NEURL1B: variants seen among roughly 807,000 people sequenced by gnomAD.
NEURL1B encodes the protein neuralized E3 ubiquitin protein ligase 1B, also known as E3 ubiquitin-protein ligase NEURL1B.
In NEURL1B, 13 loss-of-function variants were observed where a neutral mutation model predicts 37.4. That is an observed-to-expected ratio of 0.35 (90% CI 0.23 to 0.55). The LOEUF (loss-of-function observed/expected upper bound fraction) is 0.55. Ranked by LOEUF, NEURL1B falls within the 20% of genes least tolerant of loss-of-function variation. The probability of loss-of-function intolerance (pLI) is 0.89; values close to 1 mark genes in which losing one functional copy is unlikely to be tolerated. For synonymous variants in NEURL1B, 432 were observed against 426.6 expected, an observed-to-expected ratio of 1.01 and a Z score of -0.16; for missense variants, 790 against 879.2, an observed-to-expected ratio of 0.90 and a Z score of 1.28.
At position 172,688,002 on chromosome 5, in the gene NEURL1B, A is replaced by G. The variant is rs1285659330; in HGVS notation, c.*1077A>G. 6.5e-6 allele frequency: 1 copy of G among 152,694 alleles called. No homozygotes were observed. The highest frequency in any genetic ancestry group is 1.9e-4 in the East Asian group (1 of 5,196). 9.5% of individuals were successfully genotyped at this position (152,694 alleles called of 1,614,324 possible). A position where few individuals can be genotyped will look rare whatever the true frequency, so the allele number is the denominator to read the frequency against. ...AGTGTATCTTCCTCCGCTGGTTACT[A>G]AAGTGTTCACTGATAAGTATGTTAA... On this transcript the variant is annotated 3_prime_UTR_variant, in exon 5 of 5. Transcript: ENST00000369800. The surrounding 1 kb of genome is among the most constrained non-coding windows in gnomAD (Gnocchi z 4.3).
At chr5:172,672,625 G>A (rs1434078732) in intron 2 of NEURL1B, among the ~76,000 whole-genome samples, 3 of 150,666 alleles carry the variant, frequency 2.0e-5, no homozygotes, top group Non-Finnish European at 4.4e-5. Context: ...GAGTCTGCTG[G>A]AACACCACTG....
intron 2 of NEURL1B, among the ~76,000 whole-genome samples, 161 bp downstream of exon 2, chr5:172,670,491 C>G (rs1364548481): frequency 6.6e-6 from 1 of 152,248 alleles, no homozygotes; most frequent in South Asian, 2.1e-4. Context: ...TCACAACAAC[C>G]TACCCTCCGG....
rs547134438 is a variant in NEURL1B at position 172,655,689 on chromosome 5, T to C, written c.32-14096T>C. On this transcript the variant is annotated intron_variant, in intron 1 of 4. Transcript: ENST00000369800. ...TCTATGCACAGTTGTTGCTGCAGTA[T>C]GTGAGGATCCTTTAAGCTAGGTTGC... Among the ~76,000 whole-genome samples, 19 of 152,010 alleles carry C rather than the reference T, an allele frequency of 1.2e-4. 1 individual carries two copies. The South Asian group carries it at 2.9e-3, about 23-fold the overall frequency.
intron 1 of NEURL1B, among the ~76,000 whole-genome samples, chr5:172,668,554 C>T (rs1196213212): frequency 2.0e-5 from 3 of 152,214 alleles, no homozygotes; most frequent in African/African-American, 4.8e-5. Context: ...ATCAAACCCC[C>T]CCACTTCCAC....
intron 2 of NEURL1B, among the ~76,000 whole-genome samples, chr5:172,674,577 A>G (rs917346266): frequency 6.6e-6 from 1 of 152,130 alleles, no homozygotes; most frequent in African/African-American, 2.4e-5. Flanking sequence ...CTGCACCCAG[A>G]CCAATTAAAT....
Position 172,641,493 on chromosome 5 carries a change from A to G in NEURL1B, c.31+56A>G. ...GCGCCGGGCTTCTCTCCTCCGGGGGACCCGCTGGGTGACTCTGGAGAGCTA... is the reference window on the plus strand; with the variant it reads ...GCGCCGGGCTTCTCTCCTCCGGGGGGCCCGCTGGGTGACTCTGGAGAGCTA... On this transcript the variant is annotated intron_variant, in intron 1 of 4. Transcript: ENST00000369800. This position sits in a 1 kb window ranked among gnomAD's most constrained non-coding sequence, Gnocchi z 6.4. 8.1e-7 allele frequency: 1 copy of G among 1,242,072 alleles called. No individual in the cohort carries two copies. The highest frequency in any genetic ancestry group is 1.0e-6 in the Non-Finnish European group (1 of 989,660). The allele number at this position is 1,242,072 out of a possible 1,614,324, so 76.9% of individuals were successfully genotyped here.
At chr5:172,674,233 TG>T (rs1758185494) in intron 2 of NEURL1B, among the ~76,000 whole-genome samples, 2 of 152,180 alleles carry the variant, frequency 1.3e-5, no homozygotes, top group African/African-American at 4.8e-5. Context: ...CCCCATCTTG[TG>T]GGGCTGGGGT....
In NEURL1B at chr5:172,676,694, A is replaced by G. The variant is rs1007887802; in HGVS notation, c.577+6364A>G. ...GGTGTCATTTGCCCAGCTTGGAAGC[A>G]CTGAGATCCCTTGTTAAAGATAGTT... On this transcript the variant is annotated intron_variant, in intron 2 of 4. Transcript: ENST00000369800. This position sits in a 1 kb window ranked among gnomAD's most constrained non-coding sequence, Gnocchi z 4.5. Among the ~76,000 whole-genome samples the G allele has an allele frequency of 6.6e-6, 1 of 152,214 alleles. No homozygotes were observed. The highest frequency in any genetic ancestry group is 1.5e-5 in the Non-Finnish European group (1 of 68,026).
In NEURL1B at chr5:172,641,682, C is replaced by G. The variant is rs1389394146; in HGVS notation, c.31+245C>G. Among the ~76,000 whole-genome samples, 1 of 152,080 alleles carries G rather than the reference C, an allele frequency of 6.6e-6. No homozygotes were observed. The highest frequency in any genetic ancestry group is 1.5e-5 in the Non-Finnish European group (1 of 67,998). ...CCAGTCCTCATTCTCCCGGCTTTGG[C>G]CAGATGCGCAAAAAGGGCCGCTGGG... On this transcript the variant is annotated intron_variant, in intron 1 of 4. Transcript: ENST00000369800. This position sits in a 1 kb window ranked among gnomAD's most constrained non-coding sequence, Gnocchi z 6.4.
In NEURL1B at chr5:172,691,132, C is replaced by G. The variant is rs1163601342; in HGVS notation, c.*4207C>G. 2 of 152,162 alleles carry G rather than the reference C, an allele frequency of 1.3e-5. No homozygotes were observed. Among genetic ancestry groups the G allele is most frequent in the African/African-American group, 2.4e-5 (1 of 41,432 alleles). 9.4% of individuals were successfully genotyped at this position (152,162 alleles called of 1,614,324 possible). Reference sequence around the variant, plus strand: ...ACGAAAGTGTCTGTGCACTTTTTATCCTTTTTAAAAGCAACTTTTAAAAGT... The same window carrying G: ...ACGAAAGTGTCTGTGCACTTTTTATGCTTTTTAAAAGCAACTTTTAAAAGT... On this transcript the variant is annotated 3_prime_UTR_variant, in exon 5 of 5. Coordinates refer to ENST00000369800, the MANE Select transcript of NEURL1B (RefSeq NM_001142651.3).
Position 172,683,931 on chromosome 5 carries a change from G to A in NEURL1B, c.1090G>A (p.Asp364Asn). 2.1e-6 allele frequency: 3 copies of A among 1,405,004 alleles called. No individual in the cohort carries two copies. Among genetic ancestry groups the A allele is most frequent in the South Asian group, 1.4e-5 (1 of 72,012 alleles). The allele number at this position is 1,405,004 out of a possible 1,614,324, so 87.0% of individuals were successfully genotyped here. A position where few individuals can be genotyped will look rare whatever the true frequency, so the allele number is the denominator to read the frequency against. Reference protein sequence around the residue: ...ELPADPDALLDRKEYWVVARA... With the variant: ...ELPADPDALLNRKEYWVVARA... The stretch of plus-strand genomic sequence containing the variant: ...GCCCGCCGACCCAGACGCGCTGCTC[G>A]ACCGCAAAGAGTACTGGGTGGTGGC... Residue 364 changes from aspartate to asparagine, a missense_variant, in exon 3 of 5, where the codon GAC (aspartate) becomes AAC (asparagine). Physicochemically the swap from Asp to Asn is conservative, Grantham distance 23 (BLOSUM62 1). Transcript: ENST00000369800. This position sits in a 1 kb window ranked among gnomAD's most constrained non-coding sequence, Gnocchi z 5.6.
chr5:172,686,429 T>C lies in NEURL1B; in HGVS notation c.1423+133T>C. 1 of 1,012,888 alleles carries C rather than the reference T, an allele frequency of 9.9e-7. No homozygotes were observed. Among genetic ancestry groups the C allele is most frequent in the South Asian group, 1.6e-5 (1 of 62,026 alleles). The allele number at this position is 1,012,888 out of a possible 1,614,324, so 62.7% of individuals were successfully genotyped here. A position where few individuals can be genotyped will look rare whatever the true frequency, so the allele number is the denominator to read the frequency against. ...GCATCCTCTCCTTCCCTCAGCTGTA[T>C]GCTCAGCTGGAGGGAGGAGAAGTGT... On this transcript the variant is annotated intron_variant, in intron 4 of 4. Coordinates refer to ENST00000369800, the MANE Select transcript of NEURL1B (RefSeq NM_001142651.3). This position sits in a 1 kb window ranked among gnomAD's most constrained non-coding sequence, Gnocchi z 7.9.
Position 172,687,110 on chromosome 5 carries a change from C to A in NEURL1B, c.*185C>A. ...CCCAGGCAGGGGTTGCTTCTGGCTC[C>A]AAAGTGCTTTGCCCCCAAAAGGCCG... On this transcript the variant is annotated 3_prime_UTR_variant, in exon 5 of 5. Coordinates refer to ENST00000369800, the MANE Select transcript of NEURL1B (RefSeq NM_001142651.3). 1 of 693,080 alleles carries A rather than the reference C, an allele frequency of 1.4e-6. No homozygotes were observed. Among genetic ancestry groups the A allele is most frequent in the Non-Finnish European group, 2.3e-6 (1 of 428,314 alleles). The allele number at this position is 693,080 out of a possible 1,614,324, so 42.9% of individuals were successfully genotyped here. A position where few individuals can be genotyped will look rare whatever the true frequency, so the allele number is the denominator to read the frequency against.
Position 172,675,129 on chromosome 5 carries a change from G to A in NEURL1B, c.577+4799G>A, listed in dbSNP as rs573416617. Among the ~76,000 whole-genome samples the A allele has an allele frequency of 1.2e-4, 18 of 152,202 alleles. No individual in the cohort carries two copies. Among genetic ancestry groups the A allele is most frequent in the South Asian group, 6.2e-4 (3 of 4,808 alleles). The stretch of plus-strand genomic sequence containing the variant: ...TGACCTCAGGTGATCCGCCCGCCTC[G>A]GCCTCCAAAAGTGCTGGGATTACAG... On this transcript the variant is annotated intron_variant, in intron 2 of 4. Coordinates refer to ENST00000369800, the MANE Select transcript of NEURL1B (RefSeq NM_001142651.3). The surrounding 1 kb of genome is among the most constrained non-coding windows in gnomAD (Gnocchi z 4.7).
In NEURL1B at chr5:172,683,914, A is replaced by G. The variant is rs1280941000; in HGVS notation, c.1073A>G (p.Asp358Gly). 2 of 1,410,246 alleles carry G rather than the reference A, an allele frequency of 1.4e-6. No homozygotes were observed. Among genetic ancestry groups the G allele is most frequent in the Non-Finnish European group, 1.9e-6 (2 of 1,076,962 alleles). 87.4% of individuals were successfully genotyped at this position (1,410,246 alleles called of 1,614,324 possible). The change falls in exon 3 of 5, where the codon GAC (aspartate) becomes GGC (glycine). Residue 358 changes from aspartate to glycine, a missense_variant. Transcript: ENST00000369800. The surrounding 1 kb of genome is among the most constrained non-coding windows in gnomAD (Gnocchi z 5.6). ...GVLRPNELPA[D>G]PDALLDRKEY... is the part of the protein sequence containing the mutation. ...CTACGGCCCAACGAGCTGCCCGCCG[A>G]CCCAGACGCGCTGCTCGACCGCAAA... is the stretch of plus-strand genomic sequence containing the variant.
intron 1 of NEURL1B, among the ~76,000 whole-genome samples, chr5:172,658,808 G>T (rs981467717): frequency 1.3e-5 from 2 of 152,076 alleles, no homozygotes; most frequent in African/African-American, 4.8e-5. Context: ...ATGGGTGGGG[G>T]GCCATTGTCC....
intron 1 of NEURL1B, among the ~76,000 whole-genome samples, chr5:172,646,686 G>A (rs761533300): frequency 6.6e-6 from 1 of 152,186 alleles, no homozygotes; most frequent in Non-Finnish European, 1.5e-5. Flanking sequence ...GTTACAGTAC[G>A]CGGTCGGCAG....
rs201530945 is a variant in NEURL1B at position 172,676,153 on chromosome 5, G to GA, written c.577+5838dup. 0.012 allele frequency among the ~76,000 whole-genome samples: 1,611 copies of GA among 131,264 alleles called. 2 individuals carry two copies. The highest frequency in any genetic ancestry group is 0.016 in the South Asian group (65 of 4,072). 86.1% of individuals were successfully genotyped at this position (131,264 alleles called of 152,430 possible). On this transcript the variant is annotated intron_variant, in intron 2 of 4. Coordinates refer to ENST00000369800, the MANE Select transcript of NEURL1B (RefSeq NM_001142651.3). The surrounding 1 kb of genome is among the most constrained non-coding windows in gnomAD (Gnocchi z 4.5). Reference sequence around the variant, plus strand: ...GAAACTCAGTTCAGTCTCACTTAAGGAAAAAAAAAAAAAAAGAGGAAGCAT... The same window carrying GA: ...GAAACTCAGTTCAGTCTCACTTAAGGAAAAAAAAAAAAAAAAGAGGAAGCAT...
At chr5:172,645,268 C>T (rs1049992503) in intron 1 of NEURL1B, among the ~76,000 whole-genome samples, 1 of 152,180 alleles carries the variant, frequency 6.6e-6, no homozygotes, top group Non-Finnish European at 1.5e-5. Flanking sequence ...GAAGCAGCCT[C>T]CCCTAACCTA....
Sources: allele counts gnomAD v4.1 joint callset (sites outside exome capture counted in the v4.1 genomes callset), GRCh38; gene constraint gnomAD v4.1.1; non-coding constraint Gnocchi (gnomAD v3.1); transcripts MANE v1.5; gene names NCBI Gene and HGNC (gene_info 2026-07-23, HGNC 2026-07-21).